Variants in ARHGAP17 observed in about 807,000 individuals in gnomAD.
ARHGAP17 encodes the protein Rho GTPase activating protein 17, also known as rho GTPase-activating protein 17.
In ARHGAP17, 57 loss-of-function variants were observed where a neutral mutation model predicts 99.5. The ratio of observed to expected loss-of-function variants is 0.57; its 90% confidence interval spans 0.46 to 0.71. The LOEUF (loss-of-function observed/expected upper bound fraction) is 0.71. Among genes scored for constraint, ARHGAP17 ranks in the 30% least tolerant of loss-of-function variants. ARHGAP17 has a pLI of 0.00. For synonymous variants in ARHGAP17, 417 were observed against 429.6 expected (o/e 0.97, Z 0.36); for missense variants, 1,000 against 1,122.4 (o/e 0.89, Z 1.56).
At chr16:24,931,544 A>G in intron 18 of ARHGAP17, 140 bp from the exon 19 acceptor site, 1 of 816,804 alleles carries the variant, frequency 1.2e-6, no homozygotes, top group Admixed American at 3.7e-5. Flanking sequence ...TCAGGAGGGC[A>G]CCACACTGTG....
intron 7 of ARHGAP17, among the ~76,000 whole-genome samples, chr16:24,962,161 A>AC (rs1491085510): frequency 1.4e-3 from 213 of 152,026 alleles, no homozygotes; most frequent in Admixed American, 3.0e-3. Flanking sequence ...ACACACACAC[A>AC]AAGAGAGAAA....
intron 7 of ARHGAP17, among the ~76,000 whole-genome samples, chr16:24,960,211 A>G (rs1264625617): frequency 2.0e-5 from 3 of 152,240 alleles, no homozygotes; most frequent in Admixed American, 6.5e-5. Flanking sequence ...GAAGCAAAGT[A>G]CAGAGCATTA....
At chr16:24,977,531 C>T in intron 2 of ARHGAP17, 1 of 384,376 alleles carries the variant, frequency 2.6e-6, no homozygotes, top group Non-Finnish European at 4.6e-6. Flanking sequence ...AATGAATGAT[C>T]CGGGCCCAGA....
intron 16 of ARHGAP17, 127 bp from the exon 17 acceptor site, chr16:24,939,724 C>G (rs749361451): frequency 9.8e-7 from 1 of 1,020,148 alleles, no homozygotes; most frequent in East Asian, 2.6e-5. Flanking sequence ...TGCAGTGAAG[C>G]GGCAAGGACC....
At chr16:24,983,854 G>A (rs1372200418) in intron 1 of ARHGAP17, among the ~76,000 whole-genome samples, 1 of 152,134 alleles carries the variant, frequency 6.6e-6, no homozygotes, top group Non-Finnish European at 1.5e-5. Flanking sequence ...ATACCAGGCA[G>A]GATCTTTAAT....
intron 1 of ARHGAP17, among the ~76,000 whole-genome samples, chr16:24,980,268 C>A (rs2052637794): frequency 6.6e-6 from 1 of 152,212 alleles, no homozygotes. Context: ...CCAGTCTACA[C>A]TTAAGGCAAT....
intron 19 of ARHGAP17, among the ~76,000 whole-genome samples, chr16:24,924,245 T>C (rs11864294): frequency 0.18 from 27,191 of 152,114 alleles, 7,912 homozygotes; most frequent in African/African-American, 0.61. Flanking sequence ...AGAAAGACAC[T>C]TGTAAGAACC....
chr16:25,010,685 T>C (rs1597501300), intron 1 of ARHGAP17, among the ~76,000 whole-genome samples: 1 of 152,252 alleles, frequency 6.6e-6, no homozygotes, highest in Non-Finnish European at 1.5e-5. Flanking sequence ...AGTGTCCCCG[T>C]AGTTTAATTT....
chr16:24,924,965 C>G (rs894009130), intron 19 of ARHGAP17, among the ~76,000 whole-genome samples: 6 of 152,174 alleles, frequency 3.9e-5, no homozygotes, highest in African/African-American at 1.4e-4. Context: ...ATAAACTTAG[C>G]TCTAACCAGA....
rs532992202 is a variant in ARHGAP17, at chr16:24,931,416, G to A, written c.1895-12C>T. The stretch of plus-strand genomic sequence containing the variant: ...GGGTTTTTTAACAGCTGCACAAAAA[G>A]AGAAAAAACACCTTTCAGTAGGAAC... On this transcript the variant is annotated splice_polypyrimidine_tract_variant and intron_variant, in intron 18 of 19. Transcript: ENST00000289968. 11 of 1,501,812 alleles carry A rather than the reference G, an allele frequency of 7.3e-6. No individual in the cohort carries two copies. In the South Asian group the frequency reaches 1.2e-4, roughly 17 times the overall value. 93.0% of individuals were successfully genotyped at this position (1,501,812 alleles called of 1,614,324 possible). A position where few individuals can be genotyped will look rare whatever the true frequency, so the allele number is the denominator to read the frequency against.
intron 1 of ARHGAP17, among the ~76,000 whole-genome samples, chr16:25,009,159 G>A (rs1474202860): frequency 2.0e-5 from 3 of 152,054 alleles, no homozygotes; most frequent in Non-Finnish European, 4.4e-5. Context: ...TGAGGTCAGG[G>A]GTTCAAGACC....
In ARHGAP17 at chr16:24,987,222, A is replaced by G. The variant is rs374386772; in HGVS notation, c.54-8217T>C. Among the ~76,000 whole-genome samples the G allele has an allele frequency of 1.2e-4, 19 of 152,320 alleles. No individual in the cohort carries two copies. The East Asian group carries it at 1.3e-3, about 11-fold the overall frequency. ...AATGAACGGACCTGGCTGTGCCCCA[A>G]TAAACCTTTATTTATGGACACTGAA... On this transcript the variant is annotated intron_variant, in intron 1 of 19. Transcript: ENST00000289968.
intron 1 of ARHGAP17, among the ~76,000 whole-genome samples, chr16:25,000,404 G>A (rs1400948298): frequency 6.6e-6 from 1 of 152,154 alleles, no homozygotes; most frequent in Non-Finnish European, 1.5e-5. Flanking sequence ...TCCCAGCATG[G>A]GAACTGTAAC....
rs758592850 is a variant in ARHGAP17 at position 24,954,575 on chromosome 16, G to T, written c.852+28C>A. Reference sequence around the variant, plus strand: ...GTACAACAAGGGGCATGGAGACTTGGTGCACAGGATCACGAAGCTCCCCTC... The same window carrying T: ...GTACAACAAGGGGCATGGAGACTTGTTGCACAGGATCACGAAGCTCCCCTC... On this transcript the variant is annotated intron_variant, in intron 10 of 19. Coordinates refer to ENST00000289968, the MANE Select transcript of ARHGAP17 (RefSeq NM_001006634.3). 4 of 1,603,130 alleles carry T rather than the reference G, an allele frequency of 2.5e-6. No individual in the cohort carries two copies. In the African/African-American group the frequency reaches 5.3e-5, roughly 21 times the overall value.
chr16:24,945,855 G>A (rs1046790921), intron 14 of ARHGAP17, among the ~76,000 whole-genome samples: 2 of 152,184 alleles, frequency 1.3e-5, no homozygotes, highest in Non-Finnish European at 2.9e-5. Context: ...CACAGGCTCT[G>A]TATCCAGAAC....
At chr16:25,014,278 C>T (rs1240736285) in intron 1 of ARHGAP17, among the ~76,000 whole-genome samples, 3 of 152,174 alleles carry the variant, frequency 2.0e-5, no homozygotes, top group African/African-American at 7.2e-5. Context: ...GCTGAATAAA[C>T]ACTAAATCGG....
chr16:24,952,839 T>G (rs1414726351), intron 11 of ARHGAP17, 92 bp downstream of exon 11: 8 of 1,228,856 alleles, frequency 6.5e-6, no homozygotes, highest in Non-Finnish European at 8.2e-6. Context: ...AACCTGTAAC[T>G]GAAATTGGAT....
At chr16:24,943,034 C>A (rs144725941) in intron 15 of ARHGAP17, among the ~76,000 whole-genome samples, 239 of 152,150 alleles carry the variant, frequency 1.6e-3, no homozygotes, top group African/African-American at 4.1e-3. Flanking sequence ...GGGCTTGCAC[C>A]CCACGGGACA....
Position 24,999,891 on chromosome 16 carries a change from C to T in ARHGAP17, c.53+15318G>A, listed in dbSNP as rs906143489. 3.3e-5 allele frequency among the ~76,000 whole-genome samples: 5 copies of T among 152,186 alleles called. No homozygotes were observed. In the East Asian group the frequency reaches 9.6e-4, roughly 29 times the overall value. On this transcript the variant is annotated intron_variant, in intron 1 of 19. Coordinates refer to ENST00000289968, the MANE Select transcript of ARHGAP17 (RefSeq NM_001006634.3). The stretch of plus-strand genomic sequence containing the variant: ...AGCAGTGAAGTGAAGGCTAACCTGG[C>T]TATTTTCCCCAGTGCTGACCTGCTG...
Sources: allele counts gnomAD v4.1 joint callset (sites outside exome capture counted in the v4.1 genomes callset), GRCh38; gene constraint gnomAD v4.1.1; transcripts MANE v1.5; gene names NCBI Gene and HGNC (gene_info 2026-07-23, HGNC 2026-07-21).